The following CHL1 variants were observed in gnomAD, a reference collection of about 807,000 sequenced individuals.
The protein encoded by CHL1 is cell adhesion molecule L1 like.
In CHL1, 96 loss-of-function variants were observed where a neutral mutation model predicts 141.9. That is an observed-to-expected ratio of 0.68 (90% CI 0.57 to 0.80). The LOEUF is 0.80. Among genes scored for constraint, CHL1 ranks in the 30% least tolerant of loss-of-function variants. The pLI, the probability that CHL1 is intolerant of heterozygous loss-of-function variation, is 0.00. For missense variants in CHL1, 1,820 were observed against 1,457.2 expected (o/e 1.25, Z -4.05); for synonymous variants, 613 against 502.2 (o/e 1.22, Z -2.95).
intron 9 of CHL1, among the ~76,000 whole-genome samples, chr3:347,840 G>C (rs1052401240): frequency 3.9e-5 from 6 of 152,200 alleles, no homozygotes; most frequent in Non-Finnish European, 8.8e-5. Context: ...AGCGTGCCAT[G>C]TGCTCTTAGC....
intron 15 of CHL1, among the ~76,000 whole-genome samples, chr3:374,328 C>T (rs1052613974): frequency 7.2e-4 from 109 of 152,102 alleles, no homozygotes; most frequent in Non-Finnish European, 4.4e-5. Context: ...CAATACAGAT[C>T]TCCAGCCTCA....
chr3:397,836 G>C (rs1560765), intron 24 of CHL1, among the ~76,000 whole-genome samples: 1 of 151,982 alleles, frequency 6.6e-6, no homozygotes, highest in East Asian at 1.9e-4. Context: ...GCAATATATA[G>C]TTAGTTACGA....
chr3:356,029 CA>C (rs1703685995), intron 11 of CHL1, among the ~76,000 whole-genome samples: 1 of 152,190 alleles, frequency 6.6e-6, no homozygotes, highest in Admixed American at 6.5e-5. Flanking sequence ...GGGACTGCCA[CA>C]AAAACAGCCC....
intron 15 of CHL1, among the ~76,000 whole-genome samples, chr3:371,025 A>G (rs1015304777): frequency 6.6e-6 from 1 of 152,164 alleles, no homozygotes; most frequent in Non-Finnish European, 1.5e-5. Flanking sequence ...ACTTCAAATT[A>G]TGTGGTGGGT....
chr3:223,853 A>G (rs1701086314), intron 1 of CHL1, among the ~76,000 whole-genome samples: 2 of 152,174 alleles, frequency 1.3e-5, no homozygotes, highest in Admixed American at 1.3e-4. Flanking sequence ...ATAGGGGTCA[A>G]AGCTGTCTTC....
Position 390,948 on chromosome 3 carries a change from A to G in CHL1, c.2587-7A>G. On this transcript the variant is annotated splice_region_variant and splice_polypyrimidine_tract_variant and intron_variant, in intron 21 of 27. Coordinates refer to ENST00000256509, the MANE Select transcript of CHL1 (RefSeq NM_006614.4). ...GATATACTAAAAGATTTTGGTTTTC[A>G]TTGCAGATAAATTGGTGGAAAACAA... 1 of 1,612,658 alleles carries G rather than the reference A, an allele frequency of 6.2e-7. No homozygotes were observed. The highest frequency in any genetic ancestry group is 1.3e-5 in the African/African-American group (1 of 74,980).
Position 368,635 on chromosome 3 carries a change from G to C in CHL1, c.1751+2520G>C, listed in dbSNP as rs2125310285. On this transcript the variant is annotated intron_variant, in intron 15 of 27. Transcript: ENST00000256509. ...GTAAATTCTGGCTTTTGTTTCAATT[G>C]CTTTTGCCATTTTCATCATGAAGTC... Among the ~76,000 whole-genome samples, 2 of 152,216 alleles carry C rather than the reference G, an allele frequency of 1.3e-5. 1 individual carries two copies. The highest frequency in any genetic ancestry group is 4.1e-4 in the South Asian group (2 of 4,828).
intron 2 of CHL1, among the ~76,000 whole-genome samples, chr3:315,608 T>C (rs1700099229): frequency 6.6e-6 from 1 of 152,126 alleles, no homozygotes; most frequent in African/African-American, 2.4e-5. Context: ...CAAAGAATTT[T>C]ATTTCCTTTT....
intron 2 of CHL1, among the ~76,000 whole-genome samples, chr3:310,352 G>T (rs1194537322): frequency 6.6e-6 from 1 of 152,096 alleles, no homozygotes; most frequent in South Asian, 2.1e-4. Context: ...ATGCTCACTT[G>T]AGCCAAGAGT....
chr3:276,625 C>T (rs533212417), intron 2 of CHL1, among the ~76,000 whole-genome samples: 11 of 152,044 alleles, frequency 7.2e-5, no homozygotes, highest in South Asian at 2.1e-4. Context: ...CACGGTGGCT[C>T]ACACCTGTAA....
intron 2 of CHL1, among the ~76,000 whole-genome samples, chr3:282,450 G>C (rs1378299023): frequency 6.6e-6 from 1 of 152,050 alleles, no homozygotes; most frequent in Non-Finnish European, 1.5e-5. Context: ...TTATTTATTT[G>C]TATAGATTGA....
chr3:354,111 C>A (rs961429177), intron 10 of CHL1, among the ~76,000 whole-genome samples: 5 of 151,972 alleles, frequency 3.3e-5, no homozygotes, highest in African/African-American at 4.8e-5. Flanking sequence ...CAAAAAAACT[C>A]TAGGAAATAA....
chr3:376,910 A>C (rs1031081691), intron 15 of CHL1, among the ~76,000 whole-genome samples: 1 of 152,220 alleles, frequency 6.6e-6, no homozygotes, highest in African/African-American at 2.4e-5. Context: ...TAATCAAAAT[A>C]ACTATGTTTC....
At chr3:273,001 T>C (rs1695776517) in intron 2 of CHL1, among the ~76,000 whole-genome samples, 1 of 152,168 alleles carries the variant, frequency 6.6e-6, no homozygotes, top group South Asian at 2.1e-4. Context: ...TGGTTTAAAC[T>C]AGATAATGAA....
At chr3:288,660 A>G (rs997226464) in intron 2 of CHL1, among the ~76,000 whole-genome samples, 3 of 152,178 alleles carry the variant, frequency 2.0e-5, no homozygotes, top group African/African-American at 7.2e-5. Context: ...CTACTGGTCA[A>G]GGATCTCAGC....
At chr3:223,133 G>A (rs1174926721) in intron 1 of CHL1, among the ~76,000 whole-genome samples, 1 of 152,132 alleles carries the variant, frequency 6.6e-6, no homozygotes, top group Non-Finnish European at 1.5e-5. Flanking sequence ...TAGCAACTAG[G>A]ACACGAACAT....
chr3:322,629 TTA>T (rs1230701245), intron 3 of CHL1, among the ~76,000 whole-genome samples: 2 of 119,892 alleles, frequency 1.7e-5, no homozygotes, highest in African/African-American at 3.6e-5. Context: ...CATCTCTAAA[TTA>T]TATATATATA....
At position 401,715 on chromosome 3, in the gene CHL1, G is replaced by C; in HGVS notation, c.3458+17G>C. ...TGAATACAGGTAAACATAAGGTTCTGTTGTAAAATAAAACACATATTCATC... is the reference window on the plus strand; with the variant it reads ...TGAATACAGGTAAACATAAGGTTCTCTTGTAAAATAAAACACATATTCATC... On this transcript the variant is annotated intron_variant, in intron 27 of 27. Coordinates refer to ENST00000256509, the MANE Select transcript of CHL1 (RefSeq NM_006614.4). The C allele has an allele frequency of 1.4e-6, 2 of 1,443,054 alleles. No homozygotes were observed. The highest frequency in any genetic ancestry group is 1.9e-6 in the Non-Finnish European group (2 of 1,052,954). The allele number at this position is 1,443,054 out of a possible 1,614,324, so 89.4% of individuals were successfully genotyped here. A position where few individuals can be genotyped will look rare whatever the true frequency, so the allele number is the denominator to read the frequency against.
intron 2 of CHL1, among the ~76,000 whole-genome samples, chr3:281,599 G>A (rs1574949476): frequency 3.6e-5 from 5 of 139,816 alleles, no homozygotes; most frequent in Non-Finnish European, 6.1e-5. Context: ...CCACTCTGTC[G>A]CCCAGGCTGG....
Sources: gnomAD v4.1 joint callset for allele counts (sites outside exome capture counted in the v4.1 genomes callset) on GRCh38, gnomAD v4.1.1 for gene constraint, MANE v1.5 for transcripts, NCBI Gene and HGNC (gene_info 2026-07-23, HGNC 2026-07-21) for gene names.